The following OCA2 variants were observed in gnomAD, a reference collection of about 807,000 sequenced individuals.
The protein encoded by OCA2 is OCA2 melanosomal transmembrane protein.
In OCA2, 77 loss-of-function variants were observed where a neutral mutation model predicts 100.2. The observed-to-expected ratio is 0.77, with a 90% CI of 0.64 to 0.93. The LOEUF is 0.93. Ranked by LOEUF, OCA2 falls within the 40% of genes least tolerant of loss-of-function variation. OCA2 has a pLI of 0.00. For synonymous variants in OCA2, 432 were observed against 439.2 expected, an observed-to-expected ratio of 0.98 and a Z score of 0.21; for missense variants, 1,062 against 1,089.1, an observed-to-expected ratio of 0.98 and a Z score of 0.35.
chr15:28,054,731 C>G (rs1265833094), intron 2 of OCA2, among the ~76,000 whole-genome samples: 1 of 151,110 alleles, frequency 6.6e-6, no homozygotes, highest in Non-Finnish European at 1.5e-5. Context: ...TGTATTAGCC[C>G]GTTCTCATGC....
intron 19 of OCA2, among the ~76,000 whole-genome samples, chr15:27,904,566 T>C (rs997494938): frequency 2.0e-5 from 3 of 152,128 alleles, no homozygotes; most frequent in African/African-American, 7.2e-5. Context: ...AGACACGAGC[T>C]GACACATGGA....
chr15:27,851,342 G>T (rs1329251151), intron 22 of OCA2, 40 bp downstream of exon 22: 1 of 1,521,616 alleles, frequency 6.6e-7, no homozygotes, highest in East Asian at 2.3e-5. Context: ...CCACAGTGTG[G>T]GCGTGCACCC....
At chr15:27,932,041 C>A (rs4778209) in intron 18 of OCA2, among the ~76,000 whole-genome samples, 29,266 of 152,028 alleles carry the variant, frequency 0.19, 4,051 homozygotes, top group East Asian at 0.61. Flanking sequence ...AAGGGCCTCG[C>A]CGTCCAGTGG....
At chr15:27,791,969 T>G (rs1266224095) in intron 23 of OCA2, among the ~76,000 whole-genome samples, 1 of 152,212 alleles carries the variant, frequency 6.6e-6, no homozygotes, top group Non-Finnish European at 1.5e-5. Flanking sequence ...CTGTTGCACC[T>G]TATGGGCTCT....
At chr15:27,897,061 G>T (rs1019155972) in intron 19 of OCA2, among the ~76,000 whole-genome samples, 2 of 151,996 alleles carry the variant, frequency 1.3e-5, no homozygotes, top group African/African-American at 4.8e-5. Flanking sequence ...GTGGTGGTGG[G>T]TGCCTGTAGT....
chr15:27,886,064 C>T (rs1418617674), intron 19 of OCA2, among the ~76,000 whole-genome samples: 2 of 152,150 alleles, frequency 1.3e-5, no homozygotes, highest in Admixed American at 6.5e-5. Context: ...AGAGGTGAAC[C>T]ACCACCAGCA....
chr15:28,018,737 T>C (rs532100102), intron 6 of OCA2, among the ~76,000 whole-genome samples, 180 bp from the exon 7 acceptor site: 6 of 152,184 alleles, frequency 3.9e-5, no homozygotes, highest in Non-Finnish European at 8.8e-5. Flanking sequence ...TCAGCCCTCA[T>C]TCAAGACCTA....
intron 19 of OCA2, among the ~76,000 whole-genome samples, chr15:27,925,143 AG>A (rs2038998873): frequency 6.6e-6 from 1 of 152,228 alleles, no homozygotes; most frequent in Admixed American, 6.5e-5. Context: ...AAATAGTTGA[AG>A]ACTGCAATAC....
the OCA2 span, among the ~76,000 whole-genome samples, chr15:27,734,890 T>A: frequency 0.54 from 81,730 of 152,064 alleles, 22,804 homozygotes; most frequent in African/African-American, 0.6. Context: ...GTCTGCAAAG[T>A]CTGAAATAAG....
At chr15:27,784,034 A>G (rs988977440) in intron 23 of OCA2, among the ~76,000 whole-genome samples, 2 of 152,200 alleles carry the variant, frequency 1.3e-5, no homozygotes, top group African/African-American at 4.8e-5. Context: ...GGGACACAAC[A>G]CCAGCCTAAG....
In OCA2 at chr15:27,966,728, T is replaced by C. The variant is rs1232501960; in HGVS notation, c.1598A>G (p.Asn533Ser). ...CFPLLRLLYW[N>S]RKLYNKEPSE... is the part of the protein sequence containing the mutation. Reference sequence around the variant, plus strand: ...GGGTTCCTTGTTATAAAGCTTTCTGTTCCAGTAAAGGAGTCTGAGGAGCGG... The same window carrying C: ...GGGTTCCTTGTTATAAAGCTTTCTGCTCCAGTAAAGGAGTCTGAGGAGCGG... Residue 533 changes from asparagine (N) to serine (S), a missense_variant, in exon 15 of 24, where the codon AAC becomes AGC. Coordinates refer to ENST00000354638, the MANE Select transcript of OCA2 (RefSeq NM_000275.3). 1.9e-6 allele frequency: 3 copies of C among 1,614,060 alleles called. No homozygotes were observed. Among genetic ancestry groups the C allele is most frequent in the Non-Finnish European group, 1.7e-6 (2 of 1,180,026 alleles).
At chr15:27,886,356 C>T (rs2037223261) in intron 19 of OCA2, among the ~76,000 whole-genome samples, 1 of 152,200 alleles carries the variant, frequency 6.6e-6, no homozygotes, top group African/African-American at 2.4e-5. Context: ...AGCAGTGTCT[C>T]ATTCAAGGTT....
chr15:27,814,935 GATAGAT>G (rs775883990), intron 23 of OCA2, among the ~76,000 whole-genome samples: 2 of 145,102 alleles, frequency 1.4e-5, no homozygotes, highest in Non-Finnish European at 3.0e-5. Flanking sequence ...TAGATAGATA[GATAGAT>G]AGATACAGAG....
intron 11 of OCA2, among the ~76,000 whole-genome samples, chr15:27,987,345 C>G (rs2041387914): frequency 6.6e-6 from 1 of 152,160 alleles, no homozygotes; most frequent in Non-Finnish European, 1.5e-5. Flanking sequence ...CTCTGCTTCA[C>G]CTCTTTGATG....
At chr15:27,932,383 C>A (rs767694) in intron 18 of OCA2, among the ~76,000 whole-genome samples, 29,350 of 151,840 alleles carry the variant, frequency 0.19, 4,102 homozygotes, top group East Asian at 0.61. Flanking sequence ...AAAAGACAAG[C>A]ATGTAATGCG....
chr15:27,972,748 A>G (rs1396706515), intron 14 of OCA2, among the ~76,000 whole-genome samples: 2 of 151,346 alleles, frequency 1.3e-5, no homozygotes, highest in Non-Finnish European at 2.9e-5. Flanking sequence ...GATTCTGGAT[A>G]TTAGTCCTTT....
At chr15:27,945,149 A>G (rs1039762564) in intron 18 of OCA2, among the ~76,000 whole-genome samples, 4 of 152,188 alleles carry the variant, frequency 2.6e-5, no homozygotes, top group Admixed American at 2.0e-4. Context: ...TGCATAGAAC[A>G]TATATTAGGA....
At chr15:28,056,714 C>A (rs550015778) in intron 2 of OCA2, among the ~76,000 whole-genome samples, 2 of 152,378 alleles carry the variant, frequency 1.3e-5, no homozygotes, top group South Asian at 4.1e-4. Flanking sequence ...CCAGGGCTGT[C>A]CATGTGACAC....
intron 23 of OCA2, among the ~76,000 whole-genome samples, chr15:27,827,008 GAGT>G (rs1401230824): frequency 6.6e-6 from 1 of 152,218 alleles, no homozygotes; most frequent in East Asian, 1.9e-4. Context: ...CCCTTCCCTT[GAGT>G]GGAGCAGCCT....
Sources: gnomAD v4.1 joint callset for allele counts (sites outside exome capture counted in the v4.1 genomes callset) on GRCh38, gnomAD v4.1.1 for gene constraint, MANE v1.5 for transcripts, NCBI Gene and HGNC (gene_info 2026-07-23, HGNC 2026-07-21) for gene names.